PRKG1: variants seen among roughly 807,000 people sequenced by gnomAD.
PRKG1 encodes cGMP-dependent protein kinase 1.
Under a neutral mutation model 88.1 loss-of-function variants are expected in PRKG1, and 35 were observed. That is an observed-to-expected ratio of 0.40 (90% CI 0.30 to 0.53). The LOEUF is 0.53. Ranked by LOEUF, PRKG1 falls within the 20% of genes least tolerant of loss-of-function variation. The probability of loss-of-function intolerance (pLI) is 0.59; values close to 1 mark genes in which losing one functional copy is unlikely to be tolerated. For synonymous variants in PRKG1, 303 were observed against 292.5 expected, an observed-to-expected ratio of 1.04 and a Z score of -0.37; for missense variants, 540 against 839.8, an observed-to-expected ratio of 0.64 and a Z score of 4.41.
At chr10:51,022,662 C>G (rs528312162) in intron 1 of PRKG1, among the ~76,000 whole-genome samples, 8 of 152,062 alleles carry the variant, frequency 5.3e-5, no homozygotes, top group Non-Finnish European at 1.0e-4. Flanking sequence ...ACAAACACAC[C>G]TTGATATTTG....
At chr10:51,198,233 T>C (rs1408551412) in intron 2 of PRKG1, among the ~76,000 whole-genome samples, 1 of 152,146 alleles carries the variant, frequency 6.6e-6, no homozygotes, top group African/African-American at 2.4e-5. Flanking sequence ...CTGGAGTTTG[T>C]CATATCTTCT....
At chr10:51,231,981 AAAACAGT>A (rs1286672416) in intron 2 of PRKG1, among the ~76,000 whole-genome samples, 2 of 152,174 alleles carry the variant, frequency 1.3e-5, no homozygotes, top group East Asian at 3.9e-4. Context: ...TCTATTTTTG[AAAACAGT>A]AAACAGTCAT....
chr10:51,115,669 C>A (rs1400986641), intron 1 of PRKG1, among the ~76,000 whole-genome samples: 2 of 151,422 alleles, frequency 1.3e-5, no homozygotes, highest in Non-Finnish European at 2.9e-5. Flanking sequence ...GAAACCCCGT[C>A]TCTATTAAAA....
intron 3 of PRKG1, chr10:51,695,670 C>T (rs141882960): frequency 2.5e-4 from 38 of 152,216 alleles, no homozygotes; most frequent in African/African-American, 8.2e-4. Context: ...TATGTAAACG[C>T]GAGTTATCCT....
At chr10:51,455,143 T>A (rs1839548498) in intron 2 of PRKG1, among the ~76,000 whole-genome samples, 1 of 152,212 alleles carries the variant, frequency 6.6e-6, no homozygotes, top group Non-Finnish European at 1.5e-5. Context: ...GGCTTGGGGC[T>A]TGCACCCTCT....
chr10:51,688,106 A>G (rs376878130), intron 3 of PRKG1, among the ~76,000 whole-genome samples: 3 of 152,140 alleles, frequency 2.0e-5, no homozygotes, highest in East Asian at 1.9e-4. Context: ...TATTAATTTT[A>G]TGGTGCTTTT....
intron 2 of PRKG1, among the ~76,000 whole-genome samples, chr10:51,337,437 T>C (rs1841902957): frequency 6.6e-6 from 1 of 152,120 alleles, no homozygotes; most frequent in Non-Finnish European, 1.5e-5. Flanking sequence ...AAAAAGCTTC[T>C]GCACAGCAAA....
intron 2 of PRKG1, among the ~76,000 whole-genome samples, chr10:51,380,609 A>C (rs1475110674): frequency 6.6e-6 from 1 of 152,104 alleles, no homozygotes; most frequent in Non-Finnish European, 1.5e-5. Context: ...AGACTGGGAA[A>C]ACATTTTAAA....
chr10:52,108,701 C>T (rs1049845158), intron 7 of PRKG1, among the ~76,000 whole-genome samples: 1 of 152,080 alleles, frequency 6.6e-6, no homozygotes, highest in Non-Finnish European at 1.5e-5. Context: ...TACAAAAAAA[C>T]CTGTCTTTTG....
chr10:51,641,586 G>A (rs1160817000), intron 3 of PRKG1, among the ~76,000 whole-genome samples: 1 of 152,026 alleles, frequency 6.6e-6, no homozygotes, highest in African/African-American at 2.4e-5. Context: ...GAGGCAATGG[G>A]CATTCTTTCT....
intron 5 of PRKG1, among the ~76,000 whole-genome samples, chr10:51,967,895 T>C (rs1367155283): frequency 3.9e-5 from 6 of 152,186 alleles, no homozygotes; most frequent in Admixed American, 3.9e-4. Context: ...GTTCATCACC[T>C]GCTTTAGGCT....
intron 2 of PRKG1, among the ~76,000 whole-genome samples, chr10:51,233,342 G>C (rs1002550666): frequency 6.6e-6 from 1 of 152,146 alleles, no homozygotes; most frequent in African/African-American, 2.4e-5. Context: ...ATAATCCTGT[G>C]TGCATAACTA....
chr10:51,698,153 C>A, intron 3 of PRKG1: 2 of 1,614,174 alleles, frequency 1.2e-6, no homozygotes, highest in Non-Finnish European at 1.7e-6. Context: ...GCCTCTTGAA[C>A]TGGGGACAGG....
intron 1 of PRKG1, among the ~76,000 whole-genome samples, chr10:51,048,090 C>T (rs1459483191): frequency 6.6e-6 from 1 of 152,164 alleles, no homozygotes; most frequent in Non-Finnish European, 1.5e-5. Context: ...AGAGTTCATG[C>T]AGCCCTGCTA....
intron 9 of PRKG1, among the ~76,000 whole-genome samples, chr10:52,181,753 G>A (rs1589680044): frequency 1.2e-5 from 1 of 84,632 alleles, no homozygotes; most frequent in Non-Finnish European, 2.3e-5. Context: ...TCCCTACAAA[G>A]GACATGAACT....
At chr10:51,255,128 GTAA>G (rs749602908) in intron 2 of PRKG1, among the ~76,000 whole-genome samples, 2 of 151,974 alleles carry the variant, frequency 1.3e-5, no homozygotes, top group Non-Finnish European at 2.9e-5. Flanking sequence ...AGTATAAGCA[GTAA>G]TAATAATTTA....
intron 7 of PRKG1, among the ~76,000 whole-genome samples, chr10:52,065,291 T>G (rs1246433204): frequency 6.6e-6 from 1 of 152,168 alleles, no homozygotes; most frequent in East Asian, 1.9e-4. Context: ...AATAAACATT[T>G]ATTTTTCTAT....
chr10:51,946,650 C>T (rs1843042808), intron 5 of PRKG1, among the ~76,000 whole-genome samples: 1 of 151,988 alleles, frequency 6.6e-6, no homozygotes, highest in Non-Finnish European at 1.5e-5. Context: ...TGCAGATGTC[C>T]TTTCTGTTTG....
rs922933958 is a variant in PRKG1, at chr10:52,096,551, G to A, written c.935+33920G>A. Among the ~76,000 whole-genome samples the A allele has an allele frequency of 3.3e-5, 5 of 152,268 alleles. No homozygotes were observed. In the East Asian group the frequency reaches 5.8e-4, roughly 18 times the overall value. ...TCCATATATTCCTTGGGAAAATGCA[G>A]TAAAAACAGTTGGACACTTGCTTCG... On this transcript the variant is annotated intron_variant, in intron 7 of 17. Transcript: ENST00000373980.
Sources: allele counts gnomAD v4.1 joint callset (sites outside exome capture counted in the v4.1 genomes callset), GRCh38; gene constraint gnomAD v4.1.1; transcripts MANE v1.5; gene names NCBI Gene and HGNC (gene_info 2026-07-23, HGNC 2026-07-21).